YTHDC2: variants seen among roughly 807,000 people sequenced by gnomAD.
The protein encoded by YTHDC2 is 3'-5' RNA helicase YTHDC2.
A neutral mutation model predicts 174.9 loss-of-function variants in YTHDC2; 45 were observed. The observed-to-expected ratio is 0.26, with a 90% confidence interval of 0.20 to 0.33. The LOEUF (loss-of-function observed/expected upper bound fraction) is 0.33. Among genes scored for constraint, YTHDC2 ranks in the 10% least tolerant of loss-of-function variants. The probability of loss-of-function intolerance (pLI) is 1.00; values close to 1 mark genes in which losing one functional copy is unlikely to be tolerated. For missense variants in YTHDC2, 1,650 were observed against 1,723.7 expected (o/e 0.96, Z 0.76); for synonymous variants, 657 against 574.5 (o/e 1.14, Z -2.05).
intron 20 of YTHDC2, 58 bp from the exon 21 acceptor site, chr5:113,565,835 C>G: frequency 6.5e-7 from 1 of 1,542,888 alleles, no homozygotes; most frequent in East Asian, 2.3e-5. Flanking sequence ...TTACTTGTTG[C>G]CTCACTAAGA....
chr5:113,591,710 G>A (rs1446875568), intron 27 of YTHDC2, among the ~76,000 whole-genome samples: 2 of 151,920 alleles, frequency 1.3e-5, no homozygotes, highest in Non-Finnish European at 2.9e-5. Flanking sequence ...AGGTTAGCTT[G>A]TATCCATTTA....
intron 24 of YTHDC2, 144 bp downstream of exon 24, chr5:113,579,839 A>G: frequency 3.8e-6 from 5 of 1,300,474 alleles, no homozygotes; most frequent in Non-Finnish European, 4.9e-6. Flanking sequence ...TGGGGACCTC[A>G]TTCATTCTCT....
intron 9 of YTHDC2, 33 bp downstream of exon 9, chr5:113,541,149 G>C (rs1405346497): frequency 6.2e-7 from 1 of 1,610,412 alleles, no homozygotes; most frequent in African/African-American, 1.3e-5. Flanking sequence ...CTCATATTTT[G>C]TGTGAAAATT....
intron 23 of YTHDC2, among the ~76,000 whole-genome samples, chr5:113,569,808 A>G (rs1171688640): frequency 2.0e-5 from 3 of 151,816 alleles, no homozygotes; most frequent in African/African-American, 4.8e-5. Context: ...TTTGCTTAGG[A>G]TTGTCTTGGC....
intron 4 of YTHDC2, among the ~76,000 whole-genome samples, chr5:113,528,613 A>T (rs1309720151): frequency 6.6e-6 from 1 of 151,894 alleles, no homozygotes; most frequent in African/African-American, 2.4e-5. Flanking sequence ...AGCTCCAGCA[A>T]TTCTCCTCCC....
At chr5:113,519,640 CAG>C (rs762724051) in intron 2 of YTHDC2, among the ~76,000 whole-genome samples, 7 of 152,192 alleles carry the variant, frequency 4.6e-5, no homozygotes, top group Non-Finnish European at 1.0e-4. Flanking sequence ...AGTCCAACAA[CAG>C]AGGTCCCATG....
At chr5:113,545,063 T>G (rs1279247420) in intron 10 of YTHDC2, among the ~76,000 whole-genome samples, 4 of 152,340 alleles carry the variant, frequency 2.6e-5, no homozygotes, top group African/African-American at 9.6e-5. Context: ...ATCTTAAAGT[T>G]AGATTTGGCC....
chr5:113,556,153 A>G lies in YTHDC2; in HGVS notation c.2216+19A>G, dbSNP rs1236731690. 6.8e-7 allele frequency: 1 copy of G among 1,467,612 alleles called. No individual in the cohort carries two copies. The highest frequency in any genetic ancestry group is 9.4e-7 in the Non-Finnish European group (1 of 1,058,692). 90.9% of individuals were successfully genotyped at this position (1,467,612 alleles called of 1,614,324 possible). A position where few individuals can be genotyped will look rare whatever the true frequency, so the allele number is the denominator to read the frequency against. ...AAGGCAGGTAATGTATATTTAATGT[A>G]TATTCATTCAATTGCCTGTAAAATG... On this transcript the variant is annotated intron_variant, in intron 17 of 29. Transcript: ENST00000161863.
Position 113,564,032 on chromosome 5 carries a change from A to G in YTHDC2, c.2616A>G (p.Leu872=), listed in dbSNP as rs1229274659. Residue 872 remains leucine, a synonymous_variant, in exon 20 of 30, where the codon CTA becomes CTG. Coordinates refer to ENST00000161863, the MANE Select transcript of YTHDC2 (RefSeq NM_022828.5). ...TAGCTTATCGAGATCCTTTTGTACTACCTACTCAGGCCTCTCAAAAACGTG... is the reference window on the plus strand; with the variant it reads ...TAGCTTATCGAGATCCTTTTGTACTGCCTACTCAGGCCTCTCAAAAACGTG... ...CTLAYRDPFV[L]PTQASQKRAA... The G allele has an allele frequency of 3.1e-6, 5 of 1,614,072 alleles. No homozygotes were observed. Among genetic ancestry groups the G allele is most frequent in the South Asian group, 1.1e-5 (1 of 91,076 alleles).
chr5:113,595,264 A>T lies in YTHDC2; in HGVS notation c.*1790A>T, dbSNP rs994277016. ...GAAGCGATAAACTTTAAATATACTT[A>T]TTAAAATGAAATTCTATTAAGTTTT... On this transcript the variant is annotated 3_prime_UTR_variant, in exon 30 of 30. Coordinates refer to ENST00000161863, the MANE Select transcript of YTHDC2 (RefSeq NM_022828.5). 6.6e-6 allele frequency: 1 copy of T among 152,104 alleles called. No individual in the cohort carries two copies. Among genetic ancestry groups the T allele is most frequent in the Non-Finnish European group, 1.5e-5 (1 of 67,982 alleles). The allele number at this position is 152,104 out of a possible 1,614,324, so 9.4% of individuals were successfully genotyped here.
At chr5:113,550,278 G>C (rs1212929221) in intron 12 of YTHDC2, among the ~76,000 whole-genome samples, 2 of 151,834 alleles carry the variant, frequency 1.3e-5, no homozygotes, top group Non-Finnish European at 2.9e-5. Flanking sequence ...GTCTCTGTGG[G>C]GGAAAAATTT....
chr5:113,545,036 T>C (rs1034184068), intron 10 of YTHDC2, among the ~76,000 whole-genome samples: 4 of 152,232 alleles, frequency 2.6e-5, no homozygotes, highest in African/African-American at 9.6e-5. Context: ...ATATTCTGTT[T>C]ATTCATTATA....
chr5:113,562,346 T>G (rs1003888974), intron 18 of YTHDC2, among the ~76,000 whole-genome samples: 1 of 150,242 alleles, frequency 6.7e-6, no homozygotes, highest in African/African-American at 2.5e-5. Flanking sequence ...TAGGGAAGAT[T>G]AGCAGAATGC....
chr5:113,553,231 A>C lies in YTHDC2; in HGVS notation c.1739A>C (p.Asn580Thr). The C allele has an allele frequency of 6.3e-7, 1 of 1,595,580 alleles. No individual in the cohort carries two copies. Among genetic ancestry groups the C allele is most frequent in the East Asian group, 2.3e-5 (1 of 44,154 alleles). Residue 580 changes from asparagine (N) to threonine (T), a missense_variant, in exon 13 of 30, where the codon AAT (asparagine) becomes ACT (threonine). Around this residue, in one of 5 missense-constraint regions of YTHDC2, gnomAD observed 411 missense variants for 380.6 expected, o/e 1.08. Coordinates refer to ENST00000161863, the MANE Select transcript of YTHDC2 (RefSeq NM_022828.5). ...NLDESSLVQT[N>T]GSDLSAEDRE... is the part of the protein sequence containing the mutation. The stretch of plus-strand genomic sequence containing the variant: ...GATGAAAGTTCTCTGGTTCAAACAA[A>C]TGGAAGTGACCTCAGTGCTGAAGAC...
intron 24 of YTHDC2, 34 bp from the exon 25 acceptor site, chr5:113,581,383 A>T: frequency 6.6e-7 from 1 of 1,522,444 alleles, no homozygotes; most frequent in Non-Finnish European, 8.8e-7. Flanking sequence ...CATATGTGAT[A>T]TTCATTTGCT....
At chr5:113,521,965 A>G (rs1773895371) in intron 2 of YTHDC2, among the ~76,000 whole-genome samples, 1 of 152,016 alleles carries the variant, frequency 6.6e-6, no homozygotes, top group African/African-American at 2.4e-5. Flanking sequence ...ATAAAAAAGT[A>G]CAAATTAGTA....
At chr5:113,589,429 A>ATATATATATATG (rs1554103546) in intron 26 of YTHDC2, among the ~76,000 whole-genome samples, 5 of 138,296 alleles carry the variant, frequency 3.6e-5, no homozygotes, top group African/African-American at 1.4e-4. Context: ...ATATATATAT[A>ATATATATATATG]TATGTATATA....
chr5:113,520,229 C>T (rs1360517738), intron 2 of YTHDC2, among the ~76,000 whole-genome samples: 1 of 152,196 alleles, frequency 6.6e-6, no homozygotes, highest in African/African-American at 2.4e-5. Context: ...AGGACATGAA[C>T]TTACTCTTTT....
rs1400754777 is a variant in YTHDC2, at chr5:113,588,923, C to T, written c.3826-2118C>T. 3.3e-5 allele frequency among the ~76,000 whole-genome samples: 5 copies of T among 151,998 alleles called. No individual in the cohort carries two copies. In the East Asian group the frequency reaches 9.6e-4, roughly 29 times the overall value. On this transcript the variant is annotated intron_variant, in intron 26 of 29. Transcript: ENST00000161863. ...TGCACGCGTGAGCCACCATGCCTGGCCAACAGTGTTCTTTTATTTTACACT... is the reference window on the plus strand; with the variant it reads ...TGCACGCGTGAGCCACCATGCCTGGTCAACAGTGTTCTTTTATTTTACACT...
Sources: gnomAD v4.1 joint callset for allele counts (sites outside exome capture counted in the v4.1 genomes callset) on GRCh38, gnomAD v4.1.1 for gene constraint, gnomAD v4.1.1 regional missense constraint, MANE v1.5 for transcripts, NCBI Gene and HGNC (gene_info 2026-07-23, HGNC 2026-07-21) for gene names.